LRRC4C: variants seen among roughly 807,000 people sequenced by gnomAD.
The protein encoded by LRRC4C is leucine-rich repeat-containing protein 4C.
LRRC4C carries 5 observed loss-of-function variants against 33.6 expected under a neutral mutation model. That is an observed-to-expected ratio of 0.15 (90% CI 0.08 to 0.31). The LOEUF (loss-of-function observed/expected upper bound fraction) is 0.31, where lower values mean the gene tolerates loss of function less well. Ranked by LOEUF, LRRC4C falls within the 10% of genes least tolerant of loss-of-function variation. LRRC4C has a pLI of 1.00. For synonymous variants in LRRC4C, 329 were observed against 302.0 expected, an observed-to-expected ratio of 1.09 and a Z score of -0.93; for missense variants, 560 against 796.7, an observed-to-expected ratio of 0.70 and a Z score of 3.58.
At chr11:40,885,964 C>T (rs1955434881) in intron 2 of LRRC4C, among the ~76,000 whole-genome samples, 1 of 152,054 alleles carries the variant, frequency 6.6e-6, no homozygotes, top group African/African-American at 2.4e-5. Flanking sequence ...AGACAGGCCT[C>T]TCCCATCCCC....
rs1401522081 is a variant in LRRC4C at position 40,901,999 on chromosome 11, TACACA to T, written c.-407+31631_-407+31635del. On this transcript the variant is annotated intron_variant, in intron 2 of 6. Transcript: ENST00000528697. ...AAGACAATCTCTCTCTCTCTCTCTCTACACACACACACACACACACACACACACAC... is the reference window on the plus strand; with the variant it reads ...AAGACAATCTCTCTCTCTCTCTCTCTCACACACACACACACACACACACAC... Among the ~76,000 whole-genome samples the T allele has an allele frequency of 5.1e-4, 72 of 139,842 alleles. 1 individual carries two copies. The South Asian group carries it at 0.017, about 32-fold the overall frequency. 91.7% of individuals were successfully genotyped at this position (139,842 alleles called of 152,430 possible).
intron 2 of LRRC4C, among the ~76,000 whole-genome samples, chr11:40,860,508 T>C (rs999082894): frequency 6.6e-6 from 1 of 152,010 alleles, no homozygotes; most frequent in Non-Finnish European, 1.5e-5. Flanking sequence ...TTCCTTGCCT[T>C]CTAGTCTCTG....
chr11:40,744,581 T>C (rs1327643751), intron 2 of LRRC4C, among the ~76,000 whole-genome samples: 2 of 152,128 alleles, frequency 1.3e-5, no homozygotes, highest in Non-Finnish European at 2.9e-5. Flanking sequence ...TTCCATCTGA[T>C]TTTGCTTACC....
chr11:40,947,666 C>A (rs1371760521), intron 1 of LRRC4C, among the ~76,000 whole-genome samples: 1 of 152,014 alleles, frequency 6.6e-6, no homozygotes, highest in Non-Finnish European at 1.5e-5. Flanking sequence ...GTGTACAGAT[C>A]TCTGGAGTGC....
At chr11:40,737,044 T>C (rs1774141026) in intron 2 of LRRC4C, among the ~76,000 whole-genome samples, 1 of 152,156 alleles carries the variant, frequency 6.6e-6, no homozygotes, top group Non-Finnish European at 1.5e-5. Context: ...GCCATTGCTT[T>C]TGGTGTTTTA....
At chr11:40,942,348 T>G (rs1958192773) in intron 1 of LRRC4C, among the ~76,000 whole-genome samples, 1 of 152,168 alleles carries the variant, frequency 6.6e-6, no homozygotes, top group Non-Finnish European at 1.5e-5. Context: ...TGGCATACTT[T>G]CATTGTAGTG....
rs149848168 is a variant in LRRC4C at position 41,334,861 on chromosome 11, G to GAAACAAAC, written c.-496+124562_-496+124569dup. 5.3e-5 allele frequency among the ~76,000 whole-genome samples: 8 copies of GAAACAAAC among 150,748 alleles called. No homozygotes were observed. The East Asian group carries it at 1.0e-3, about 19-fold the overall frequency. ...GAGAAAGACCATGTCTCCAAAGAACGAAACAAACAAACAAACAAACAAACA... is the reference window on the plus strand; with the variant it reads ...GAGAAAGACCATGTCTCCAAAGAACGAAACAAACAAACAAACAAACAAACAAACAAACA... On this transcript the variant is annotated intron_variant, in intron 1 of 6. Transcript: ENST00000528697.
chr11:41,157,914 T>G (rs1240480948), intron 1 of LRRC4C, among the ~76,000 whole-genome samples: 2 of 152,140 alleles, frequency 1.3e-5, no homozygotes, highest in African/African-American at 4.8e-5. Flanking sequence ...CCAATTATAC[T>G]CTTTATTTTT....
chr11:40,755,032 C>T (rs1948877138), intron 2 of LRRC4C, among the ~76,000 whole-genome samples: 1 of 152,076 alleles, frequency 6.6e-6, no homozygotes, highest in Admixed American at 6.6e-5. Context: ...GACATACATT[C>T]ATAGATCTTA....
intron 1 of LRRC4C, among the ~76,000 whole-genome samples, chr11:41,265,676 T>C (rs560065956): frequency 6.6e-6 from 1 of 152,220 alleles, no homozygotes; most frequent in African/African-American, 2.4e-5. Flanking sequence ...ATCAGCATAA[T>C]GGAATTCTGC....
chr11:40,145,265 T>C (rs1857644861), intron 5 of LRRC4C, among the ~76,000 whole-genome samples: 1 of 152,176 alleles, frequency 6.6e-6, no homozygotes, highest in Admixed American at 6.6e-5. Context: ...CATCAAATTG[T>C]CACCTCCTAG....
At chr11:41,017,594 C>T (rs941363625) in intron 1 of LRRC4C, among the ~76,000 whole-genome samples, 1 of 151,868 alleles carries the variant, frequency 6.6e-6, no homozygotes, top group African/African-American at 2.4e-5. Context: ...ATATTATTCT[C>T]CTCATGGTTC....
intron 1 of LRRC4C, among the ~76,000 whole-genome samples, chr11:41,123,564 G>A (rs1039906611): frequency 2.6e-5 from 4 of 151,924 alleles, no homozygotes; most frequent in South Asian, 4.1e-4. Context: ...GAGCCACCGC[G>A]CCCGGCCTTT....
intron 1 of LRRC4C, among the ~76,000 whole-genome samples, chr11:41,459,144 C>T (rs780968997): frequency 8.6e-5 from 13 of 151,922 alleles, no homozygotes; most frequent in Admixed American, 4.6e-4. Context: ...AGGAGAAAGG[C>T]GGAATTATTT....
At chr11:40,291,395 A>G (rs374665516) in intron 4 of LRRC4C, among the ~76,000 whole-genome samples, 2 of 152,136 alleles carry the variant, frequency 1.3e-5, no homozygotes, top group African/African-American at 2.4e-5. Flanking sequence ...AGGACACTAG[A>G]TTTCTTTCTT....
intron 3 of LRRC4C, among the ~76,000 whole-genome samples, chr11:40,639,763 T>C (rs921071368): frequency 6.6e-6 from 1 of 152,180 alleles, no homozygotes; most frequent in Admixed American, 6.5e-5. Flanking sequence ...AACATGAATA[T>C]GGAGTTAAAG....
At chr11:41,387,443 A>C (rs1321133806) in intron 1 of LRRC4C, among the ~76,000 whole-genome samples, 2 of 151,758 alleles carry the variant, frequency 1.3e-5, no homozygotes, top group Non-Finnish European at 2.9e-5. Flanking sequence ...TTGGCTTAAA[A>C]GGGTGTGGAG....
chr11:41,214,941 T>A (rs996514862), intron 1 of LRRC4C, among the ~76,000 whole-genome samples: 3 of 147,406 alleles, frequency 2.0e-5, no homozygotes, highest in African/African-American at 7.4e-5. Flanking sequence ...ATGAAGAGCT[T>A]ATGATGAATT....
chr11:40,882,838 C>T (rs1955252115), intron 2 of LRRC4C, among the ~76,000 whole-genome samples: 1 of 151,928 alleles, frequency 6.6e-6, no homozygotes, highest in African/African-American at 2.4e-5. Flanking sequence ...TTTTATTTTC[C>T]TCTAAATTCT....
Sources: allele counts gnomAD v4.1 joint callset (sites outside exome capture counted in the v4.1 genomes callset), GRCh38; gene constraint gnomAD v4.1.1; transcripts MANE v1.5; gene names NCBI Gene and HGNC (gene_info 2026-07-23, HGNC 2026-07-21).